ATP8A1: variants seen among roughly 807,000 people sequenced by gnomAD.
ATP8A1 encodes the protein phospholipid-transporting ATPase IA.
A neutral mutation model predicts 177.7 loss-of-function variants in ATP8A1; 90 were observed. The ratio of observed to expected loss-of-function variants is 0.51; its 90% CI spans 0.43 to 0.60. ATP8A1 has a LOEUF of 0.60. ATP8A1 is among the 20% of genes least tolerant of loss of function. The pLI is 0.00. For missense variants in ATP8A1, 1,072 were observed against 1,392.8 expected (o/e 0.77, Z 3.67); for synonymous variants, 493 against 485.9 (o/e 1.01, Z -0.19).
chr4:42,504,967 T>G (rs1724225215), intron 23 of ATP8A1, among the ~76,000 whole-genome samples: 1 of 152,222 alleles, frequency 6.6e-6, no homozygotes, highest in Non-Finnish European at 1.5e-5. Context: ...CTCTCCTCTT[T>G]TAGGTTGTTC....
rs185495336 is a variant in ATP8A1 at position 42,561,302 on chromosome 4, G to A, written c.1341-5262C>T. On this transcript the variant is annotated intron_variant, in intron 15 of 36. Coordinates refer to ENST00000381668, the MANE Select transcript of ATP8A1 (RefSeq NM_006095.2). The stretch of plus-strand genomic sequence containing the variant: ...AATTCCATTTCAAAGTTCATCACAA[G>A]GTCCAGGGTCAATAACCTTTTCCAG... Among the ~76,000 whole-genome samples, 82 of 152,344 alleles carry A rather than the reference G, an allele frequency of 5.4e-4. 1 individual carries two copies. The highest frequency in any genetic ancestry group is 1.8e-3 in the African/African-American group (76 of 41,578).
chr4:42,591,017 T>A (rs1734121388), intron 6 of ATP8A1, 133 bp from the exon 7 acceptor site: 2 of 757,142 alleles, frequency 2.6e-6, no homozygotes, highest in Admixed American at 5.5e-5. Context: ...AATAAAAACA[T>A]CTAATGCCAA....
At chr4:42,477,963 G>C (rs73235582) in intron 25 of ATP8A1, among the ~76,000 whole-genome samples, 25,457 of 151,894 alleles carry the variant, frequency 0.17, 2,386 homozygotes, top group South Asian at 0.24. Flanking sequence ...CTGGGCAACA[G>C]AGCAAGACTC....
chr4:42,468,444 CACA>C (rs1720036092), intron 25 of ATP8A1, among the ~76,000 whole-genome samples: 1 of 151,812 alleles, frequency 6.6e-6, no homozygotes, highest in Non-Finnish European at 1.5e-5. Context: ...CACACACACA[CACA>C]CACACAGACA....
At chr4:42,653,575 CA>C (rs1741328319) in intron 1 of ATP8A1, among the ~76,000 whole-genome samples, 1 of 152,164 alleles carries the variant, frequency 6.6e-6, no homozygotes, top group African/African-American at 2.4e-5. Flanking sequence ...GTCTATCTAC[CA>C]TACCTTTTCC....
intron 27 of ATP8A1, among the ~76,000 whole-genome samples, chr4:42,463,713 T>C (rs1373875821): frequency 6.6e-6 from 1 of 152,236 alleles, no homozygotes; most frequent in Non-Finnish European, 1.5e-5. Context: ...TTTAAAATGA[T>C]GTTATGTTTG....
intron 24 of ATP8A1, among the ~76,000 whole-genome samples, chr4:42,496,709 G>A (rs1014852140): frequency 4.6e-5 from 7 of 151,714 alleles, no homozygotes; most frequent in East Asian, 1.9e-4. Flanking sequence ...AATCCCAAAC[G>A]CACACAATTT....
chr4:42,470,751 T>C (rs1560361098), intron 25 of ATP8A1, among the ~76,000 whole-genome samples: 3 of 152,210 alleles, frequency 2.0e-5, no homozygotes, highest in Admixed American at 1.3e-4. Flanking sequence ...GTGTTTTATA[T>C]AGTGACCAAG....
At chr4:42,562,325 C>G (rs1577593681) in intron 15 of ATP8A1, 1 of 152,280 alleles carries the variant, frequency 6.6e-6, no homozygotes, top group African/African-American at 2.4e-5. Context: ...AGGTGGTTGT[C>G]AGGGAGGAGG....
chr4:42,538,762 T>C (rs1419071806), intron 20 of ATP8A1, among the ~76,000 whole-genome samples: 3 of 152,106 alleles, frequency 2.0e-5, no homozygotes, highest in African/African-American at 7.2e-5. Context: ...AAATAATAGA[T>C]GTTGGTAGGG....
Position 42,485,685 on chromosome 4 carries a change from G to A in ATP8A1, c.2152-17C>T. ...CCTTGTTCCCTGGAATATTAAACAA[G>A]CAAAAATGCCATCAACATTTACTCC... On this transcript the variant is annotated splice_polypyrimidine_tract_variant and intron_variant, in intron 24 of 36. Transcript: ENST00000381668. 6.3e-7 allele frequency: 1 copy of A among 1,598,524 alleles called. No homozygotes were observed. Among genetic ancestry groups the A allele is most frequent in the Non-Finnish European group, 8.5e-7 (1 of 1,173,036 alleles).
intron 1 of ATP8A1, among the ~76,000 whole-genome samples, chr4:42,642,059 T>C (rs1025217655): frequency 5.3e-5 from 8 of 152,082 alleles, no homozygotes; most frequent in African/African-American, 1.4e-4. Flanking sequence ...TCCTGCCCAT[T>C]ACAACTTTGG....
At chr4:42,620,685 T>C (rs1421745781) in intron 4 of ATP8A1, among the ~76,000 whole-genome samples, 2 of 152,186 alleles carry the variant, frequency 1.3e-5, no homozygotes, top group Non-Finnish European at 2.9e-5. Flanking sequence ...CTGCCTCCTC[T>C]TATCTGTAAA....
intron 5 of ATP8A1, among the ~76,000 whole-genome samples, chr4:42,604,604 T>C (rs753236233): frequency 2.0e-5 from 3 of 152,230 alleles, no homozygotes; most frequent in Non-Finnish European, 4.4e-5. Flanking sequence ...AATAGTTGTA[T>C]AGGAAAATAC....
intron 25 of ATP8A1, among the ~76,000 whole-genome samples, chr4:42,476,859 C>T (rs553998124): frequency 1.3e-5 from 2 of 152,222 alleles, no homozygotes; most frequent in East Asian, 3.9e-4. Context: ...CATATACAAG[C>T]AGGAAAAAAG....
chr4:42,503,633 C>A, intron 23 of ATP8A1, 119 bp from the exon 24 acceptor site: 1 of 626,624 alleles, frequency 1.6e-6, no homozygotes, highest in Non-Finnish European at 2.6e-6. Flanking sequence ...CTGAGGGCAA[C>A]CAGTTGTTTT....
chr4:42,576,741 T>C (rs572468145), intron 12 of ATP8A1, among the ~76,000 whole-genome samples: 1 of 152,306 alleles, frequency 6.6e-6, no homozygotes, highest in East Asian at 1.9e-4. Context: ...GAGTTTTATG[T>C]GCCATGTGTT....
chr4:42,600,274 A>G (rs1474680105), intron 6 of ATP8A1, among the ~76,000 whole-genome samples: 2 of 152,206 alleles, frequency 1.3e-5, no homozygotes, highest in East Asian at 3.8e-4. Flanking sequence ...AAAGTTCTAG[A>G]TATTTTTCAA....
intron 25 of ATP8A1, among the ~76,000 whole-genome samples, chr4:42,480,908 A>G (rs1409322504): frequency 6.6e-6 from 1 of 152,232 alleles, no homozygotes; most frequent in African/African-American, 2.4e-5. Flanking sequence ...TGAGTACATA[A>G]ATTATGTAGA....
Sources: gnomAD v4.1 joint callset for allele counts (sites outside exome capture counted in the v4.1 genomes callset) on GRCh38, gnomAD v4.1.1 for gene constraint, MANE v1.5 for transcripts, NCBI Gene and HGNC (gene_info 2026-07-23, HGNC 2026-07-21) for gene names.